BTBD8: variants seen among roughly 807,000 people sequenced by gnomAD.
BTBD8 encodes the protein BTB/POZ domain-containing protein 8.
In BTBD8, 110 loss-of-function variants were observed where a neutral mutation model predicts 162.9. That is an observed-to-expected ratio of 0.68 (90% CI 0.58 to 0.79). The LOEUF (loss-of-function observed/expected upper bound fraction) is 0.79, where lower values mean the gene tolerates loss of function less well. Ranked by LOEUF, BTBD8 falls within the 30% of genes least tolerant of loss-of-function variation. BTBD8 has a pLI of 0.00. For synonymous variants in BTBD8, 667 were observed against 716.1 expected (o/e 0.93, Z 1.10); for missense variants, 1,905 against 2,085.4 (o/e 0.91, Z 1.68).
chr1:92,157,679 G>GT (rs1048872269), intron 9 of BTBD8, among the ~76,000 whole-genome samples: 2 of 150,686 alleles, frequency 1.3e-5, no homozygotes, highest in African/African-American at 4.9e-5. Context: ...TTTTTTCTTG[G>GT]TAGGGATAGG....
Position 92,176,809 on chromosome 1 carries a change from A to T in BTBD8, c.1636-20A>T. Reference sequence around the variant, plus strand: ...AAAGATTTCAGTCAAATTACAAAGTATTTTTTTTCTTTTTTATAGCAAAGG... The same window carrying T: ...AAAGATTTCAGTCAAATTACAAAGTTTTTTTTTTCTTTTTTATAGCAAAGG... On this transcript the variant is annotated intron_variant, in intron 13 of 17. Transcript: ENST00000636805. 3.4e-6 allele frequency: 4 copies of T among 1,160,696 alleles called. No individual in the cohort carries two copies. The highest frequency in any genetic ancestry group is 4.7e-6 in the Non-Finnish European group (4 of 859,380). 71.9% of individuals were successfully genotyped at this position (1,160,696 alleles called of 1,614,324 possible).
intron 5 of BTBD8, among the ~76,000 whole-genome samples, chr1:92,130,368 A>C (rs1011988052): frequency 4.6e-5 from 7 of 151,962 alleles, no homozygotes; most frequent in South Asian, 2.1e-4. Context: ...TTTTTCTTTT[A>C]TTTTTATTTT....
intron 7 of BTBD8, among the ~76,000 whole-genome samples, chr1:92,145,610 G>A (rs1570743916): frequency 6.6e-6 from 1 of 152,202 alleles, no homozygotes; most frequent in African/African-American, 2.4e-5. Context: ...TGTAACAAGA[G>A]AAGTGAGTTG....
At chr1:92,146,562 A>G (rs1649926771) in intron 7 of BTBD8, among the ~76,000 whole-genome samples, 1 of 152,206 alleles carries the variant, frequency 6.6e-6, no homozygotes, top group Non-Finnish European at 1.5e-5. Context: ...TTATAGTATC[A>G]TACGGAGTGT....
chr1:92,092,193 G>C lies in BTBD8; in HGVS notation c.347+3298G>C, dbSNP rs1435818653. Among the ~76,000 whole-genome samples, 5 of 152,114 alleles carry C rather than the reference G, an allele frequency of 3.3e-5. No individual in the cohort carries two copies. The East Asian group carries it at 9.7e-4, about 30-fold the overall frequency. ...AGGCAGGTGGATCGCTTGAGTCCAGGGGTTTGAGACCAGCCTGGGCAACAT... is the reference window on the plus strand; with the variant it reads ...AGGCAGGTGGATCGCTTGAGTCCAGCGGTTTGAGACCAGCCTGGGCAACAT... On this transcript the variant is annotated intron_variant, in intron 2 of 17. Transcript: ENST00000636805.
intron 4 of BTBD8, among the ~76,000 whole-genome samples, chr1:92,122,340 C>G (rs1327720234): frequency 6.7e-6 from 1 of 150,266 alleles, no homozygotes; most frequent in Non-Finnish European, 1.5e-5. Flanking sequence ...CTCACTGCAA[C>G]CTCCGCTTCC....
intron 7 of BTBD8, among the ~76,000 whole-genome samples, 191 bp from the exon 8 acceptor site, chr1:92,146,983 GTTTGTA>G (rs1400002792): frequency 1.3e-5 from 2 of 152,182 alleles, no homozygotes; most frequent in Non-Finnish European, 2.9e-5. Context: ...ACTAGAGCAT[GTTTGTA>G]GCCTCAGTAC....
At position 92,139,426 on chromosome 1, in the gene BTBD8, G is replaced by A. The variant is rs1385514927; in HGVS notation, c.829G>A (p.Val277Ile). 2 of 1,602,198 alleles carry A rather than the reference G, an allele frequency of 1.2e-6. No individual in the cohort carries two copies. The highest frequency in any genetic ancestry group is 4.5e-5 in the East Asian group (2 of 44,434). ...GTLDIPDKTN[V>I]GQILNMADMY... The stretch of plus-strand genomic sequence containing the variant: ...TCTGGACATTCCAGACAAAACTAAT[G>A]TTGGGTATGTATTCCTTTTTAATAA... Residue 277 changes from valine (V) to isoleucine (I), a missense_variant, in exon 6 of 18, where the codon GTT becomes ATT. By Grantham distance (29) the Val-to-Ile change is conservative. Transcript: ENST00000636805.
At chr1:92,152,924 T>G (rs1403243167) in intron 9 of BTBD8, among the ~76,000 whole-genome samples, 2 of 152,212 alleles carry the variant, frequency 1.3e-5, no homozygotes, top group Non-Finnish European at 2.9e-5. Context: ...TAATCAGGTT[T>G]TAAGAAACAC....
At chr1:92,141,395 A>T (rs1183190009) in intron 7 of BTBD8, among the ~76,000 whole-genome samples, 184 bp downstream of exon 7, 1 of 152,206 alleles carries the variant, frequency 6.6e-6, no homozygotes, top group Non-Finnish European at 1.5e-5. Flanking sequence ...AACTAATTCA[A>T]ATAATTTTAA....
In BTBD8 at chr1:92,182,582, T is replaced by A; in HGVS notation, c.4899T>A (p.Ile1633=). 1 of 1,485,796 alleles carries A rather than the reference T, an allele frequency of 6.7e-7. No individual in the cohort carries two copies. Among genetic ancestry groups the A allele is most frequent in the African/African-American group, 1.4e-5 (1 of 70,184 alleles). 92.0% of individuals were successfully genotyped at this position (1,485,796 alleles called of 1,614,324 possible). Reference sequence around the variant, plus strand: ...CTACAACTACTGAAAAAGCTAATATTGCTTTATCTGCAGGTAATGTACAGA... The same window carrying A: ...CTACAACTACTGAAAAAGCTAATATAGCTTTATCTGCAGGTAATGTACAGA... ...SHSTTTEKAN[I]ALSAGDIDDC... The change falls in exon 17 of 18, where the codon ATT becomes ATA. Residue 1633 remains isoleucine, a synonymous_variant. Transcript: ENST00000636805.
At chr1:92,086,513 C>G (rs768807408) in intron 1 of BTBD8, among the ~76,000 whole-genome samples, 3 of 151,992 alleles carry the variant, frequency 2.0e-5, no homozygotes, top group Non-Finnish European at 4.4e-5. Context: ...TGCCTGTGGT[C>G]CCAGCTACTT....
intron 4 of BTBD8, among the ~76,000 whole-genome samples, chr1:92,119,190 T>G (rs1215665122): frequency 6.6e-6 from 1 of 151,988 alleles, no homozygotes; most frequent in Non-Finnish European, 1.5e-5. Flanking sequence ...CTTTTCATTT[T>G]ATAAACTTTT....
At chr1:92,166,575 C>T (rs899774394) in intron 9 of BTBD8, among the ~76,000 whole-genome samples, 1 of 151,788 alleles carries the variant, frequency 6.6e-6, no homozygotes, top group Non-Finnish European at 1.5e-5. Context: ...CAGGCATGCA[C>T]CACCATGCCT....
chr1:92,098,936 C>G (rs917948267), intron 2 of BTBD8, among the ~76,000 whole-genome samples: 1 of 152,142 alleles, frequency 6.6e-6, no homozygotes, highest in Non-Finnish European at 1.5e-5. Context: ...TTTATCTTTT[C>G]TTTTGTCGCT....
chr1:92,180,928 CA>C lies in BTBD8; in HGVS notation c.3249del (p.Lys1083AsnfsTer8), dbSNP rs1650878099. On this transcript the variant is annotated frameshift_variant, in exon 17 of 18. Coordinates refer to ENST00000636805, the MANE Select transcript of BTBD8 (RefSeq NM_001376131.1). LOFTEE classifies it high-confidence loss of function. ...CHSVGSDNVN[S>X]KFYSTTALKY... ...TCTGTTGGGAGTGATAATGTAAATT[CA>C]AAATTTTATAGCACCACAGCCCTAA... is the stretch of plus-strand genomic sequence containing the variant. The C allele has an allele frequency of 6.4e-7, 1 of 1,551,552 alleles. No individual in the cohort carries two copies. Among genetic ancestry groups the C allele is most frequent in the Non-Finnish European group, 8.7e-7 (1 of 1,146,974 alleles).
intron 2 of BTBD8, among the ~76,000 whole-genome samples, chr1:92,090,336 C>G (rs192744457): frequency 6.6e-6 from 1 of 152,252 alleles, no homozygotes; most frequent in East Asian, 1.9e-4. Flanking sequence ...TTATTACCCT[C>G]CTTGTGGATG....
Position 92,177,536 on chromosome 1 carries a change from T to C in BTBD8, c.2343T>C (p.Asn781=). ...MMKNSVDSVK[N]STVAIKSRPV... ...AAAACAGTGTAGATAGTGTCAAAAA[T>C]TCCACTGTAGGTGGGTTTTAGCACT... Residue 781 remains asparagine (N), a synonymous_variant, in exon 14 of 18, where the codon AAT becomes AAC. Transcript: ENST00000636805. The C allele has an allele frequency of 6.5e-7, 1 of 1,532,700 alleles. No individual in the cohort carries two copies. The highest frequency in any genetic ancestry group is 1.4e-5 in the African/African-American group (1 of 72,062). The allele number at this position is 1,532,700 out of a possible 1,614,324, so 94.9% of individuals were successfully genotyped here.
chr1:92,100,539 G>A (rs933122583), intron 2 of BTBD8, among the ~76,000 whole-genome samples: 28 of 152,060 alleles, frequency 1.8e-4, no homozygotes, highest in African/African-American at 6.8e-4. Flanking sequence ...CTTGAGTCAG[G>A]TTTGGTAGTT....
Sources: gnomAD v4.1 joint callset for allele counts (sites outside exome capture counted in the v4.1 genomes callset) on GRCh38, gnomAD v4.1.1 for gene constraint, MANE v1.5 for transcripts, NCBI Gene and HGNC (gene_info 2026-07-23, HGNC 2026-07-21) for gene names.